Variants in DCLRE1C observed in about 807,000 individuals in gnomAD.
The protein encoded by DCLRE1C is protein artemis.
A neutral mutation model predicts 61.4 loss-of-function variants in DCLRE1C; 47 were observed. The observed-to-expected ratio is 0.77, with a 90% CI of 0.61 to 0.98. The LOEUF is 0.98. Among genes scored for constraint, DCLRE1C ranks in the 50% least tolerant of loss-of-function variants. DCLRE1C has a pLI of 0.00. For synonymous variants in DCLRE1C, 337 were observed against 287.6 expected (o/e 1.17, Z -1.74); for missense variants, 858 against 816.0 (o/e 1.05, Z -0.63).
Position 14,919,815 on chromosome 10 carries a change from C to T in DCLRE1C, c.1079G>A (p.Arg360Gln), listed in dbSNP as rs377694988. The T allele has an allele frequency of 2.9e-5, 46 of 1,613,256 alleles. No individual in the cohort carries two copies. Among genetic ancestry groups the T allele is most frequent in the East Asian group, 8.9e-5 (4 of 44,888 alleles). Reference sequence around the variant, plus strand: ...CTTTGGCTCCGTACTTTGGGAAGACCGGCATAAAGGCTTTAAGCTGAAATG... The same window carrying T: ...CTTTGGCTCCGTACTTTGGGAAGACTGGCATAAAGGCTTTAAGCTGAAATG... ...KVVEILKPLCRSSQSTEPKYK... is the reference protein window; with the variant it reads ...KVVEILKPLCQSSQSTEPKYK... The change falls in exon 13 of 14, where the codon CGG becomes CAG. Residue 360 changes from arginine (R) to glutamine (Q), a missense_variant. Physicochemically the swap from Arg to Gln is conservative, Grantham distance 43 (BLOSUM62 1). Transcript: ENST00000378278.
chr10:14,939,980 T>G (rs1840601934), intron 3 of DCLRE1C, 111 bp from the exon 4 acceptor site: 4 of 779,846 alleles, frequency 5.1e-6, no homozygotes, highest in Non-Finnish European at 8.6e-6. Flanking sequence ...ACTCTCTATA[T>G]AAACAATTCC....
chr10:14,950,673 CG>C (rs1262706800), intron 1 of DCLRE1C, among the ~76,000 whole-genome samples: 23 of 152,282 alleles, frequency 1.5e-4, no homozygotes, highest in Non-Finnish European at 2.1e-4. Flanking sequence ...AAAGAGTTTG[CG>C]CCATGGCAAA....
At chr10:14,935,713 C>T (rs1410801276) in intron 5 of DCLRE1C, 149 bp from the exon 6 acceptor site, 6 of 813,304 alleles carry the variant, frequency 7.4e-6, no homozygotes, top group South Asian at 2.9e-5. Context: ...TGAACCACAC[C>T]AGGCACTCAG....
intron 1 of DCLRE1C, among the ~76,000 whole-genome samples, 198 bp downstream of exon 1, chr10:14,953,704 G>A (rs1842787022): frequency 6.6e-6 from 1 of 152,220 alleles, no homozygotes; most frequent in Non-Finnish European, 1.5e-5. Context: ...GGCAGGCGCC[G>A]TTACGCCGCG....
chr10:14,932,390 C>T (rs914872906), intron 9 of DCLRE1C, among the ~76,000 whole-genome samples: 8 of 152,224 alleles, frequency 5.3e-5, no homozygotes, highest in African/African-American at 1.9e-4. Context: ...GTAGTACCAG[C>T]ACTTTGGGAG....
intron 4 of DCLRE1C, among the ~76,000 whole-genome samples, chr10:14,939,351 G>A (rs1840492161): frequency 6.6e-6 from 1 of 151,650 alleles, no homozygotes; most frequent in Non-Finnish European, 1.5e-5. Context: ...GGCTGAGGCA[G>A]GAGAATCGCT....
At chr10:14,899,692 A>C, downstream of DCLRE1C, 1 of 1,613,030 alleles carries the variant, frequency 6.2e-7, no homozygotes, top group Non-Finnish European at 8.5e-7. Flanking sequence ...CAGCGTAAGA[A>C]GACATACGTA....
At chr10:14,922,687 G>A (rs1398998853) in intron 12 of DCLRE1C, among the ~76,000 whole-genome samples, 2 of 152,006 alleles carry the variant, frequency 1.3e-5, no homozygotes, top group Non-Finnish European at 2.9e-5. Flanking sequence ...TTCCTATTTT[G>A]CTGATTCAGA....
At chr10:14,899,263 G>A (rs1469793537) in exon 14 of DCLRE1C, 4 of 702,046 alleles carry the variant, frequency 5.7e-6, no homozygotes, top group East Asian at 5.4e-5. Flanking sequence ...AAGGATACAG[G>A]GAGTCATGAT....
At chr10:14,897,493 T>G in exon 14 of DCLRE1C, 6 of 1,568,036 alleles carry the variant, frequency 3.8e-6, no homozygotes, top group Non-Finnish European at 5.2e-6. Context: ...AAAGAATGAG[T>G]TTTGTCATGG....
chr10:14,954,332 TGCAGTCGCGGGAAG>T (rs1842872061), upstream of DCLRE1C: 1 of 445,318 alleles, frequency 2.2e-6, no homozygotes, highest in African/African-American at 2.0e-5. Context: ...TCTGTGGAGG[TGCAGTCGCGGGAAG>T]GGAAATCGAA....
At chr10:14,954,171 C>G, upstream of DCLRE1C, 1 of 1,268,492 alleles carries the variant, frequency 7.9e-7, no homozygotes, top group Non-Finnish European at 1.1e-6. Flanking sequence ...GGGGCAAAGT[C>G]AAGGAGCATC....
In DCLRE1C at chr10:14,909,025, G is replaced by C. The variant is rs1422236980; in HGVS notation, c.1462C>G (p.Gln488Glu). 1 of 1,613,864 alleles carries C rather than the reference G, an allele frequency of 6.2e-7. No individual in the cohort carries two copies. The highest frequency in any genetic ancestry group is 8.5e-7 in the Non-Finnish European group (1 of 1,179,940). The change falls in exon 14 of 14, where the codon CAG becomes GAG. Residue 488 changes from glutamine (Q) to glutamate (E), a missense_variant. By Grantham distance (29) the Gln-to-Glu change is conservative (BLOSUM62 2). Coordinates refer to ENST00000378278, the MANE Select transcript of DCLRE1C (RefSeq NM_001033855.3). The stretch of plus-strand genomic sequence containing the variant: ...TTTCTTTTAAAGAATACTTCCCACT[G>C]GGGTACATCCCCATCAGCCTTTTGC... The part of the protein sequence containing the change: ...HLQKADGDVP[Q>E]WEVFFKRNDE...
intron 13 of DCLRE1C, chr10:14,899,492 C>A: frequency 6.3e-7 from 1 of 1,597,720 alleles, no homozygotes; most frequent in African/African-American, 1.3e-5. Flanking sequence ...ATGAATGCTT[C>A]TTTGGTTCAG....
Position 14,908,592 on chromosome 10 carries a change from T to G in DCLRE1C, c.1895A>C (p.Glu632Ala), listed in dbSNP as rs1354318239. ...TTLSSETHIPEEKSLLNLSTN... is the reference protein window; with the variant it reads ...TTLSSETHIPAEKSLLNLSTN... Reference sequence around the variant, plus strand: ...GCTAAGATTTAGCAAACTTTTTTCCTCGGGTATATGTGTCTCACTGCTTAG... The same window carrying G: ...GCTAAGATTTAGCAAACTTTTTTCCGCGGGTATATGTGTCTCACTGCTTAG... Residue 632 changes from glutamate to alanine, a missense_variant, in exon 14 of 14, where the codon GAG becomes GCG. Transcript: ENST00000378278. 1 of 1,614,186 alleles carries G rather than the reference T, an allele frequency of 6.2e-7. No homozygotes were observed.
At chr10:14,943,717 T>G (rs1233527958) in intron 3 of DCLRE1C, among the ~76,000 whole-genome samples, 1 of 151,824 alleles carries the variant, frequency 6.6e-6, no homozygotes, top group African/African-American at 2.4e-5. Context: ...ACACCCAATT[T>G]TTTGCATTTT....
chr10:14,926,887 T>A lies in DCLRE1C; in HGVS notation c.928A>T (p.Ser310Cys). 6.2e-7 allele frequency: 1 copy of A among 1,613,294 alleles called. No individual in the cohort carries two copies. Among genetic ancestry groups the A allele is most frequent in the Non-Finnish European group, 8.5e-7 (1 of 1,179,442 alleles). ...AAAGAAAAACAAGCTCTGTATGAAC[T>A]CTCTCCAGTCCTAAAGGGAAGTGAA... ...KTNVIVRTGE[S>C]SYRACFSFHS... Residue 310 changes from serine (S) to cysteine (C), a missense_variant, in exon 11 of 14, where the codon AGT becomes TGT. Physicochemically the swap from Ser to Cys is moderately radical, Grantham distance 112 (BLOSUM62 -1). This residue lies in a region of DCLRE1C where 843 missense variants were observed against 783.5 expected (regional missense o/e 1.08). Transcript: ENST00000378278.
At chr10:14,918,806 T>C (rs1200614491) in intron 13 of DCLRE1C, among the ~76,000 whole-genome samples, 1 of 152,178 alleles carries the variant, frequency 6.6e-6, no homozygotes, top group Admixed American at 6.5e-5. Context: ...ATATCAGTCT[T>C]GGAATTGTCA....
intron 11 of DCLRE1C, chr10:14,923,352 C>A: frequency 2.7e-6 from 1 of 375,496 alleles, no homozygotes; most frequent in Non-Finnish European, 4.9e-6. Flanking sequence ...CTGAGAATCA[C>A]CAATGGGACT....
Sources: allele counts gnomAD v4.1 joint callset (sites outside exome capture counted in the v4.1 genomes callset), GRCh38; gene constraint gnomAD v4.1.1; regional missense constraint gnomAD v4.1.1; transcripts MANE v1.5; gene names NCBI Gene and HGNC (gene_info 2026-07-23, HGNC 2026-07-21).